Variants in ANKS1B observed in about 807,000 individuals in gnomAD.
ANKS1B encodes ankyrin repeat and sterile alpha motif domain-containing protein 1B.
Under a neutral mutation model 148.3 loss-of-function variants are expected in ANKS1B, and 36 were observed. The ratio of observed to expected loss-of-function variants is 0.24; its 90% CI spans 0.19 to 0.32. The LOEUF (loss-of-function observed/expected upper bound fraction) is 0.32. Among genes scored for constraint, ANKS1B ranks in the 10% least tolerant of loss-of-function variants. The pLI, the probability that ANKS1B is intolerant of heterozygous loss-of-function variation, is 1.00. For synonymous variants in ANKS1B, 542 were observed against 560.8 expected (o/e 0.97, Z 0.47); for missense variants, 1,157 against 1,542.6 (o/e 0.75, Z 4.19).
At chr12:99,186,888 C>T (rs180816955) in intron 14 of ANKS1B, among the ~76,000 whole-genome samples, 40 of 152,016 alleles carry the variant, frequency 2.6e-4, no homozygotes, top group African/African-American at 9.2e-4. Flanking sequence ...GACGAATTGA[C>T]AGAAGTAGGC....
chr12:99,638,640 T>C (rs1284603287), intron 9 of ANKS1B, among the ~76,000 whole-genome samples: 1 of 152,092 alleles, frequency 6.6e-6, no homozygotes, highest in African/African-American at 2.4e-5. Flanking sequence ...AAAAACCCAT[T>C]TTCTGGGGAG....
intron 17 of ANKS1B, among the ~76,000 whole-genome samples, chr12:99,004,485 C>T (rs1287006026): frequency 6.6e-6 from 1 of 152,060 alleles, no homozygotes; most frequent in Non-Finnish European, 1.5e-5. Flanking sequence ...CTTAATAAGT[C>T]TTAGATGAAT....
chr12:99,159,730 T>C (rs1388068792), intron 14 of ANKS1B, among the ~76,000 whole-genome samples: 2 of 152,236 alleles, frequency 1.3e-5, no homozygotes, highest in African/African-American at 2.4e-5. Context: ...ATTTATTTTC[T>C]TTTGGATATA....
In ANKS1B at chr12:98,745,190, G is replaced by A; in HGVS notation, c.*549C>T. 1.0e-6 allele frequency: 1 copy of A among 985,674 alleles called. No individual in the cohort carries two copies. Among genetic ancestry groups the A allele is most frequent in the Non-Finnish European group, 1.2e-6 (1 of 829,906 alleles). The allele number at this position is 985,674 out of a possible 1,614,324, so 61.1% of individuals were successfully genotyped here. A position where few individuals can be genotyped will look rare whatever the true frequency, so the allele number is the denominator to read the frequency against. Reference sequence around the variant, plus strand: ...TAAAATCCACAAATATAGAAATGGGGAAACAGAATCTCCTGGCAATCATAT... The same window carrying A: ...TAAAATCCACAAATATAGAAATGGGAAAACAGAATCTCCTGGCAATCATAT... On this transcript the variant is annotated 3_prime_UTR_variant, in exon 27 of 27. Transcript: ENST00000683438.
At chr12:99,392,090 C>T (rs1284391590) in intron 12 of ANKS1B, among the ~76,000 whole-genome samples, 2 of 152,216 alleles carry the variant, frequency 1.3e-5, no homozygotes, top group Non-Finnish European at 2.9e-5. Flanking sequence ...CCTTTACTTT[C>T]TCCATATCAG....
intron 17 of ANKS1B, among the ~76,000 whole-genome samples, chr12:98,878,027 T>C (rs991678241): frequency 2.0e-5 from 3 of 152,112 alleles, no homozygotes; most frequent in Non-Finnish European, 4.4e-5. Context: ...TTCTTCGAAA[T>C]GGTTTGAGTA....
Position 98,966,032 on chromosome 12 carries a change from G to C in ANKS1B, c.2778+87125C>G, listed in dbSNP as rs546574665. 9.2e-5 allele frequency among the ~76,000 whole-genome samples: 14 copies of C among 152,276 alleles called. No homozygotes were observed. The South Asian group carries it at 2.9e-3, about 32-fold the overall frequency. ...AACACCAAAAGCAATGGCAACAAAA[G>C]CCAAAATTGACAAATAGGATCTAAT... On this transcript the variant is annotated intron_variant, in intron 17 of 26. Transcript: ENST00000683438.
intron 12 of ANKS1B, among the ~76,000 whole-genome samples, chr12:99,319,589 T>C (rs1410815843): frequency 6.6e-6 from 1 of 152,224 alleles, no homozygotes; most frequent in Non-Finnish European, 1.5e-5. Context: ...TGAGATGGGT[T>C]TCCTGAATAC....
intron 17 of ANKS1B, among the ~76,000 whole-genome samples, chr12:99,004,675 GA>G (rs34042155): frequency 1.3e-5 from 2 of 150,438 alleles, no homozygotes; most frequent in Non-Finnish European, 3.0e-5. Context: ...GGGTGGGGGG[GA>G]AAATGCCCTA....
chr12:99,692,851 T>A (rs1010253169), intron 8 of ANKS1B, among the ~76,000 whole-genome samples: 4 of 152,202 alleles, frequency 2.6e-5, no homozygotes, highest in African/African-American at 9.6e-5. Context: ...TTGTTTTAAC[T>A]GCCTACTCAT....
chr12:98,771,249 A>C lies in ANKS1B; in HGVS notation c.3579+1793T>G, dbSNP rs576027906. 9.9e-5 allele frequency among the ~76,000 whole-genome samples: 15 copies of C among 152,180 alleles called. No homozygotes were observed. The East Asian group carries it at 2.9e-3, about 29-fold the overall frequency. ...CAGTGGCACGATCATAGCTCAGTGAAGCCTCAGTGTCCTGGGCTCAAGGGA... is the reference window on the plus strand; with the variant it reads ...CAGTGGCACGATCATAGCTCAGTGACGCCTCAGTGTCCTGGGCTCAAGGGA... On this transcript the variant is annotated intron_variant, in intron 25 of 26. Transcript: ENST00000683438.
chr12:98,890,240 T>C (rs985237319), intron 17 of ANKS1B, among the ~76,000 whole-genome samples: 1 of 152,198 alleles, frequency 6.6e-6, no homozygotes, highest in Non-Finnish European at 1.5e-5. Flanking sequence ...TGAGTTTTTA[T>C]GACTAATCTA....
At chr12:99,347,362 A>T (rs1190031089) in intron 12 of ANKS1B, among the ~76,000 whole-genome samples, 2 of 152,004 alleles carry the variant, frequency 1.3e-5, no homozygotes, top group African/African-American at 4.8e-5. Context: ...CTAGAAGGTC[A>T]CACACATGCG....
At chr12:99,445,247 T>C (rs2095617353) in intron 10 of ANKS1B, among the ~76,000 whole-genome samples, 1 of 152,016 alleles carries the variant, frequency 6.6e-6, no homozygotes, top group African/African-American at 2.4e-5. Flanking sequence ...CTTTCATTCA[T>C]CTAAAAACTA....
intron 16 of ANKS1B, among the ~76,000 whole-genome samples, chr12:99,059,788 CATAT>C (rs759625732): frequency 7.8e-5 from 7 of 90,320 alleles, no homozygotes; most frequent in Non-Finnish European, 1.1e-4. Context: ...AACTAAAATT[CATAT>C]ATATATATAT....
chr12:99,240,453 C>A (rs181781403), intron 14 of ANKS1B, among the ~76,000 whole-genome samples: 1 of 152,068 alleles, frequency 6.6e-6, no homozygotes, highest in Non-Finnish European at 1.5e-5. Flanking sequence ...GACTCCCATA[C>A]AATAATAATG....
At chr12:99,383,984 G>A (rs921184115) in intron 12 of ANKS1B, among the ~76,000 whole-genome samples, 2 of 151,962 alleles carry the variant, frequency 1.3e-5, no homozygotes, top group South Asian at 2.1e-4. Context: ...AGCTGTAATC[G>A]TGCCACTGAA....
intron 20 of ANKS1B, among the ~76,000 whole-genome samples, chr12:98,802,462 T>C (rs1189860322): frequency 6.6e-6 from 1 of 152,086 alleles, no homozygotes; most frequent in Non-Finnish European, 1.5e-5. Context: ...ATGGCGTACA[T>C]AGGGTGCATA....
chr12:99,519,867 A>G (rs1442519581), intron 9 of ANKS1B, among the ~76,000 whole-genome samples: 1 of 152,202 alleles, frequency 6.6e-6, no homozygotes, highest in African/African-American at 2.4e-5. Context: ...CCTTGCAAAT[A>G]CCATCTAATA....
Sources: allele counts gnomAD v4.1 joint callset (sites outside exome capture counted in the v4.1 genomes callset), GRCh38; gene constraint gnomAD v4.1.1; transcripts MANE v1.5; gene names NCBI Gene and HGNC (gene_info 2026-07-23, HGNC 2026-07-21).